MYO1E: variants seen among roughly 807,000 people sequenced by gnomAD.
MYO1E encodes myosin IE.
MYO1E carries 68 observed loss-of-function variants against 151.1 expected under a neutral mutation model. The observed-to-expected ratio is 0.45, with a 90% CI of 0.37 to 0.55. The LOEUF is 0.55. MYO1E is among the 20% of genes least tolerant of loss of function. MYO1E has a pLI of 0.00. For missense variants in MYO1E, 1,363 were observed against 1,389.3 expected (o/e 0.98, Z 0.30); for synonymous variants, 601 against 501.7 (o/e 1.20, Z -2.64).
chr15:59,233,381 A>G (rs1055664523), intron 5 of MYO1E, among the ~76,000 whole-genome samples: 8 of 152,134 alleles, frequency 5.3e-5, no homozygotes, highest in Admixed American at 1.3e-4. Flanking sequence ...AGAGTAGCCC[A>G]TCGGCCGGGC....
rs565568548 is a variant in MYO1E, at chr15:59,272,305, C to A, written c.147+1G>T. 1 of 1,613,994 alleles carries A rather than the reference C, an allele frequency of 6.2e-7. No homozygotes were observed. The highest frequency in any genetic ancestry group is 1.7e-5 in the Admixed American group (1 of 60,016). On this transcript the variant is annotated splice_donor_variant, in intron 2 of 27. Coordinates refer to ENST00000288235, the MANE Select transcript of MYO1E (RefSeq NM_004998.4). LOFTEE classifies it high-confidence loss of function. ...TGTCCAAAGCAGCCAATAAAGGATACAAAAATGTAGTCATCCATGTATCTC... is the reference window on the plus strand; with the variant it reads ...TGTCCAAAGCAGCCAATAAAGGATAAAAAAATGTAGTCATCCATGTATCTC...
In MYO1E at chr15:59,138,344, C is replaced by T. The variant is rs201450652; in HGVS notation, c.3104G>A (p.Arg1035Gln). 2.8e-5 allele frequency: 46 copies of T among 1,614,088 alleles called. No individual in the cohort carries two copies. The East Asian group carries it at 9.4e-4, about 33-fold the overall frequency. ...GGGTCTGCCCCCTGCTGGGGGAGGCCGACTGGTTGTTTGTCTCCTGACCCT... is the reference window on the plus strand; with the variant it reads ...GGGTCTGCCCCCTGCTGGGGGAGGCTGACTGGTTGTTTGTCTCCTGACCCT... ...AAGVRRQTTS[R>Q]PPPAGGRPKP... The change falls in exon 27 of 28, where the codon CGG (arginine) becomes CAG (glutamine). Residue 1035 changes from arginine (R) to glutamine (Q), a missense_variant. Transcript: ENST00000288235.
At chr15:59,316,047 A>G (rs1306104798) in intron 1 of MYO1E, among the ~76,000 whole-genome samples, 1 of 152,152 alleles carries the variant, frequency 6.6e-6, no homozygotes, top group Non-Finnish European at 1.5e-5. Flanking sequence ...TGATTCTGAG[A>G]AGGAGCCTGA....
chr15:59,371,010 C>T (rs1300771711), intron 1 of MYO1E, among the ~76,000 whole-genome samples: 2 of 152,040 alleles, frequency 1.3e-5, no homozygotes, highest in African/African-American at 4.8e-5. Flanking sequence ...CCAAAAGTAA[C>T]GTAGAGTAGA....
At chr15:59,361,464 A>G (rs2080885004) in intron 1 of MYO1E, among the ~76,000 whole-genome samples, 2 of 152,178 alleles carry the variant, frequency 1.3e-5, no homozygotes, top group Non-Finnish European at 2.9e-5. Flanking sequence ...TGTCATTGAA[A>G]TAACCTGACA....
chr15:59,249,136 CT>C (rs200254871), intron 4 of MYO1E, among the ~76,000 whole-genome samples: 3,098 of 152,228 alleles, frequency 0.02, 108 homozygotes, highest in African/African-American at 0.071. Context: ...TCAAAATCCA[CT>C]TTGTGGCCAG....
In MYO1E at chr15:59,173,933, G is replaced by A. The variant is rs2079609937; in HGVS notation, c.2165-18C>T. 2 of 1,613,226 alleles carry A rather than the reference G, an allele frequency of 1.2e-6. No homozygotes were observed. Among genetic ancestry groups the A allele is most frequent in the Non-Finnish European group, 1.7e-6 (2 of 1,179,382 alleles). ...GTCTGAGGCTACAATTCCCAAGAGGGTCAAGATGGAAGAAGGATAAGTCAG... is the reference window on the plus strand; with the variant it reads ...GTCTGAGGCTACAATTCCCAAGAGGATCAAGATGGAAGAAGGATAAGTCAG... On this transcript the variant is annotated intron_variant, in intron 20 of 27. Coordinates refer to ENST00000288235, the MANE Select transcript of MYO1E (RefSeq NM_004998.4).
chr15:59,140,701 G>A (rs973347562), intron 26 of MYO1E, among the ~76,000 whole-genome samples: 17 of 152,320 alleles, frequency 1.1e-4, no homozygotes, highest in Admixed American at 7.8e-4. Flanking sequence ...GATGACAGAT[G>A]TTCATGGGGT....
chr15:59,231,161 T>C (rs1162502410), intron 6 of MYO1E, among the ~76,000 whole-genome samples: 1 of 152,136 alleles, frequency 6.6e-6, no homozygotes, highest in Non-Finnish European at 1.5e-5. Context: ...TGTCGTTAGG[T>C]TACATGAGTA....
At chr15:59,208,147 C>A (rs76501863) in intron 14 of MYO1E, 4 of 1,413,666 alleles carry the variant, frequency 2.8e-6, no homozygotes, top group African/African-American at 2.9e-5. Flanking sequence ...GATTATATAA[C>A]GAAATTTTGA....
intron 1 of MYO1E, among the ~76,000 whole-genome samples, chr15:59,353,965 T>G (rs1201614459): frequency 2.6e-5 from 4 of 152,140 alleles, no homozygotes; most frequent in Admixed American, 2.6e-4. Context: ...TGTGTACAGA[T>G]AGAAAAAATG....
At chr15:59,165,562 G>A (rs143908423) in intron 22 of MYO1E, among the ~76,000 whole-genome samples, 2 of 152,238 alleles carry the variant, frequency 1.3e-5, no homozygotes, top group African/African-American at 2.4e-5. Flanking sequence ...AACAATAGAC[G>A]GTTTTCATCT....
chr15:59,274,001 C>T (rs2080303788), intron 1 of MYO1E, among the ~76,000 whole-genome samples: 1 of 151,704 alleles, frequency 6.6e-6, no homozygotes, highest in Non-Finnish European at 1.5e-5. Flanking sequence ...GAGAAGATGA[C>T]AAGAAACAAG....
Position 59,356,820 on chromosome 15 carries a change from T to A in MYO1E, c.3+15678A>T, listed in dbSNP as rs115101455. ...CTAAGCTCAAGGGATCTGCCTCCCT[T>A]GGCCTCTTAAAGTGCTGGGATTACA... On this transcript the variant is annotated intron_variant, in intron 1 of 27. Coordinates refer to ENST00000288235, the MANE Select transcript of MYO1E (RefSeq NM_004998.4). Among the ~76,000 whole-genome samples, 807 of 152,218 alleles carry A rather than the reference T, an allele frequency of 5.3e-3. 10 individuals carry two copies. The highest frequency in any genetic ancestry group is 0.019 in the African/African-American group (774 of 41,534).
intron 24 of MYO1E, 96 bp downstream of exon 24, chr15:59,160,977 C>A: frequency 2.6e-6 from 4 of 1,514,136 alleles, no homozygotes; most frequent in Non-Finnish European, 3.6e-6. Context: ...TGTACTGATT[C>A]TCAGCCCCCA....
intron 4 of MYO1E, among the ~76,000 whole-genome samples, chr15:59,246,291 T>C (rs137892564): frequency 0.01 from 1,544 of 152,218 alleles, 28 homozygotes; most frequent in African/African-American, 0.035. Flanking sequence ...CTAATTTTTA[T>C]ATTTTTAGTA....
chr15:59,205,565 T>C (rs1463266378), intron 14 of MYO1E, 80 bp from the exon 15 acceptor site: 2 of 1,382,344 alleles, frequency 1.4e-6, no homozygotes, highest in East Asian at 2.3e-5. Flanking sequence ...GAACAAAAAA[T>C]CTAATTTCAC....
At chr15:59,151,489 A>G (rs559118898) in intron 26 of MYO1E, among the ~76,000 whole-genome samples, 1 of 152,298 alleles carries the variant, frequency 6.6e-6, no homozygotes, top group South Asian at 2.1e-4. Flanking sequence ...TTGTAGCCCA[A>G]ATGAAGTGAG....
chr15:59,153,642 G>A lies in MYO1E; in HGVS notation c.3028C>T (p.Gln1010Ter). The A allele has an allele frequency of 6.2e-7, 1 of 1,614,182 alleles. No homozygotes were observed. Among genetic ancestry groups the A allele is most frequent in the Non-Finnish European group, 8.5e-7 (1 of 1,180,026 alleles). Residue 1010 changes from glutamine to a stop codon, truncating the protein, a stop_gained, in exon 26 of 28, where the codon CAG becomes TAG. Coordinates refer to ENST00000288235, the MANE Select transcript of MYO1E (RefSeq NM_004998.4). LOFTEE classifies it high-confidence loss of function. ...QQSTSSDRVSQTPESLDFLKV... is the reference protein window; with the variant it reads ...QQSTSSDRVS ...AGGAAATCCAGGCTCTCTGGCGTCT[G>A]TGACACTCGGTCTGAACTGGTAGAC... is the stretch of plus-strand genomic sequence containing the variant.
Sources: allele counts gnomAD v4.1 joint callset (sites outside exome capture counted in the v4.1 genomes callset), GRCh38; gene constraint gnomAD v4.1.1; transcripts MANE v1.5; gene names NCBI Gene and HGNC (gene_info 2026-07-23, HGNC 2026-07-21).